The following IL16 variants were observed in gnomAD, a reference collection of about 807,000 sequenced individuals.
IL16 encodes interleukin 16.
A neutral mutation model predicts 110.1 loss-of-function variants in IL16; 67 were observed. That is an observed-to-expected ratio of 0.61 (90% CI 0.50 to 0.75). The LOEUF is 0.75. Ranked by LOEUF, IL16 falls within the 30% of genes least tolerant of loss-of-function variation. The probability of loss-of-function intolerance (pLI) is 0.00; values close to 1 mark genes in which losing one functional copy is unlikely to be tolerated. For synonymous variants in IL16, 689 were observed against 662.9 expected, an observed-to-expected ratio of 1.04 and a Z score of -0.61; for missense variants, 1,545 against 1,655.0, an observed-to-expected ratio of 0.93 and a Z score of 1.15.
chr15:81,289,856 A>AC (rs1269520089), intron 10 of IL16: 1 of 426,434 alleles, frequency 2.3e-6, no homozygotes, highest in Non-Finnish European at 4.6e-6. Context: ...TTTTTAAAAA[A>AC]CCTGTCCTCA....
In IL16 at chr15:81,222,649, G is replaced by A. The variant is rs60768041; in HGVS notation, c.-101-2650G>A. Reference sequence around the variant, plus strand: ...TTTATATCTTTCCTGTTTAGCACCAGCAAAGTCCAGAAGGATTTTAACACA... The same window carrying A: ...TTTATATCTTTCCTGTTTAGCACCAACAAAGTCCAGAAGGATTTTAACACA... On this transcript the variant is annotated intron_variant, in intron 1 of 18. Coordinates refer to ENST00000683961, the MANE Select transcript of IL16 (RefSeq NM_172217.5). Among the ~76,000 whole-genome samples, 1,419 of 151,854 alleles carry A rather than the reference G, an allele frequency of 9.3e-3. 43 individuals carry two copies. Among genetic ancestry groups the A allele is most frequent in the East Asian group, 0.07 (360 of 5,154 alleles).
Position 81,265,717 on chromosome 15 carries a change from G to T in IL16, c.480G>T (p.Ala160=). ...TTCCAATGACCAAGAAATCTGCAGC[G>T]CCCACGGACAGGCAGCCTTACTCTC... ...IDFPMTKKSA[A]PTDRQPYSLC... The change falls in exon 4 of 19, where the codon GCG becomes GCT. Residue 160 remains alanine (A), a synonymous_variant. Coordinates refer to ENST00000683961, the MANE Select transcript of IL16 (RefSeq NM_172217.5). 6.2e-7 allele frequency: 1 copy of T among 1,614,006 alleles called. No homozygotes were observed. Among genetic ancestry groups the T allele is most frequent in the Non-Finnish European group, 8.5e-7 (1 of 1,179,940 alleles).
chr15:81,215,929 G>A (rs958003061), intron 1 of IL16, among the ~76,000 whole-genome samples: 4 of 152,232 alleles, frequency 2.6e-5, no homozygotes, highest in Admixed American at 2.0e-4. Flanking sequence ...AGATCACCAG[G>A]AAAGTACTCA....
At chr15:81,240,902 A>G (rs56006337) in intron 2 of IL16, among the ~76,000 whole-genome samples, 15,504 of 152,036 alleles carry the variant, frequency 0.1, 1,165 homozygotes, top group South Asian at 0.3. Flanking sequence ...TATAATGTCT[A>G]TTCTTTTTTG....
intron 1 of IL16, among the ~76,000 whole-genome samples, chr15:81,212,286 T>A (rs1019140471): frequency 6.6e-6 from 1 of 152,168 alleles, no homozygotes; most frequent in African/African-American, 2.4e-5. Flanking sequence ...TATGTTTGCA[T>A]AGATTTGTTC....
At position 81,221,795 on chromosome 15, in the gene IL16, T is replaced by C. The variant is rs563989216; in HGVS notation, c.-101-3504T>C. Among the ~76,000 whole-genome samples, 34 of 152,308 alleles carry C rather than the reference T, an allele frequency of 2.2e-4. 1 individual carries two copies. In the South Asian group the frequency reaches 6.8e-3, roughly 31 times the overall value. ...TTGCCATCTCCCATCCCATGGGCCC[T>C]GCCATCCCACATGAGAGCCTAGGTC... On this transcript the variant is annotated intron_variant, in intron 1 of 18. Coordinates refer to ENST00000683961, the MANE Select transcript of IL16 (RefSeq NM_172217.5).
intron 16 of IL16, 185 bp from the exon 17 acceptor site, chr15:81,305,723 C>T (rs1409772461): frequency 6.1e-6 from 4 of 658,662 alleles, no homozygotes; most frequent in Non-Finnish European, 1.0e-5. Context: ...GTGATCTCTG[C>T]TCTGGATGGA....
chr15:81,207,091 C>G (rs554024058), intron 1 of IL16, among the ~76,000 whole-genome samples: 1 of 151,856 alleles, frequency 6.6e-6, no homozygotes, highest in Admixed American at 6.5e-5. Context: ...AAAAAATTAG[C>G]CAGGCGTGGT....
At chr15:81,267,604 A>T (rs1239022958) in intron 4 of IL16, among the ~76,000 whole-genome samples, 7 of 151,988 alleles carry the variant, frequency 4.6e-5, no homozygotes, top group Non-Finnish European at 5.9e-5. Context: ...CAAGCTGGAG[A>T]CCCAGGGAAG....
intron 6 of IL16, among the ~76,000 whole-genome samples, chr15:81,277,998 A>C (rs966836788): frequency 5.9e-5 from 9 of 152,132 alleles, no homozygotes; most frequent in Non-Finnish European, 1.0e-4. Context: ...TACTGTTGTG[A>C]AAAAAGGACT....
chr15:81,196,397 T>C (rs1246264798), upstream of IL16, among the ~76,000 whole-genome samples: 1 of 152,240 alleles, frequency 6.6e-6, no homozygotes, highest in Non-Finnish European at 1.5e-5. Context: ...ATGACTTTTT[T>C]CCTCTTTTTA....
At chr15:81,258,894 A>C (rs1898052021) in intron 2 of IL16, among the ~76,000 whole-genome samples, 1 of 152,198 alleles carries the variant, frequency 6.6e-6, no homozygotes, top group African/African-American at 2.4e-5. Context: ...TGTGGATAAC[A>C]AAGTTATAAA....
chr15:81,216,646 TAGCAGC>T (rs6145652), intron 1 of IL16, among the ~76,000 whole-genome samples: 6 of 151,262 alleles, frequency 4.0e-5, no homozygotes, highest in Admixed American at 1.3e-4. Context: ...CTGTCTGTCT[TAGCAGC>T]AGCAGCAGCA....
At chr15:81,304,819 A>G (rs1387009161) in intron 16 of IL16, among the ~76,000 whole-genome samples, 1 of 152,228 alleles carries the variant, frequency 6.6e-6, no homozygotes, top group East Asian at 1.9e-4. Context: ...GAATTTTTCT[A>G]ACACCAAAAC....
chr15:81,205,511 A>G (rs1770999790), intron 1 of IL16, among the ~76,000 whole-genome samples: 1 of 152,160 alleles, frequency 6.6e-6, no homozygotes, highest in African/African-American at 2.4e-5. Context: ...AGTAATATCA[A>G]ATAAAATGAA....
At chr15:81,207,799 T>C (rs1896090050) in intron 1 of IL16, among the ~76,000 whole-genome samples, 1 of 152,116 alleles carries the variant, frequency 6.6e-6, no homozygotes, top group Non-Finnish European at 1.5e-5. Flanking sequence ...TCCATGTCTT[T>C]GCTATTGTGA....
chr15:81,235,389 G>A (rs1897145854), intron 2 of IL16, among the ~76,000 whole-genome samples: 1 of 152,118 alleles, frequency 6.6e-6, no homozygotes, highest in African/African-American at 2.4e-5. Flanking sequence ...TGGCAAGAGA[G>A]GGAGCAAGAG....
Position 81,285,839 on chromosome 15 carries a change from C to T in IL16, c.1332+9C>T. 2 of 1,613,968 alleles carry T rather than the reference C, an allele frequency of 1.2e-6. No individual in the cohort carries two copies. Among genetic ancestry groups the T allele is most frequent in the Non-Finnish European group, 1.7e-6 (2 of 1,179,854 alleles). ...GACATCCAGACCCACAGGTAACACC[C>T]ACTGGGTTATCCTCTTCTTCTCAGG... On this transcript the variant is annotated intron_variant, in intron 10 of 18. Transcript: ENST00000683961.
chr15:81,293,543 A>G (rs1899843604), intron 12 of IL16, among the ~76,000 whole-genome samples: 1 of 152,144 alleles, frequency 6.6e-6, no homozygotes, highest in Admixed American at 6.5e-5. Flanking sequence ...TCTACTAACA[A>G]TACAAAAATT....
Sources: allele counts gnomAD v4.1 joint callset (sites outside exome capture counted in the v4.1 genomes callset), GRCh38; gene constraint gnomAD v4.1.1; transcripts MANE v1.5; gene names NCBI Gene and HGNC (gene_info 2026-07-23, HGNC 2026-07-21).